ANKRD26: variants seen among roughly 807,000 people sequenced by gnomAD.
ANKRD26 encodes ankyrin repeat domain-containing protein 26.
ANKRD26 carries 141 observed loss-of-function variants against 208.7 expected under a neutral mutation model. The ratio of observed to expected loss-of-function variants is 0.68; its 90% CI spans 0.59 to 0.78. The LOEUF (loss-of-function observed/expected upper bound fraction) is 0.78, where lower values mean the gene tolerates loss of function less well. Ranked by LOEUF, ANKRD26 falls within the 30% of genes least tolerant of loss-of-function variation. ANKRD26 has a pLI of 0.00. For synonymous variants in ANKRD26, 636 were observed against 660.4 expected (o/e 0.96, Z 0.57); for missense variants, 1,889 against 1,938.7 (o/e 0.97, Z 0.48).
intron 21 of ANKRD26, among the ~76,000 whole-genome samples, chr10:27,038,476 C>T (rs2054116730): frequency 6.6e-6 from 1 of 151,868 alleles, no homozygotes; most frequent in African/African-American, 2.4e-5. Flanking sequence ...AGGGTGAAAC[C>T]ACATCTCTAC....
intron 27 of ANKRD26, among the ~76,000 whole-genome samples, chr10:27,028,070 G>A (rs2053726785): frequency 6.6e-6 from 1 of 152,184 alleles, no homozygotes; most frequent in Non-Finnish European, 1.5e-5. Context: ...TTCAGTAGGT[G>A]TATTAAATTT....
chr10:27,080,542 C>T (rs953253347), intron 6 of ANKRD26: 40 of 814,612 alleles, frequency 4.9e-5, no homozygotes, highest in Non-Finnish European at 5.8e-5. Context: ...TTTACAGGCA[C>T]TCAGATACCT....
intron 32 of ANKRD26, among the ~76,000 whole-genome samples, chr10:27,010,774 T>G (rs1476092839): frequency 3.3e-5 from 5 of 152,122 alleles, no homozygotes; most frequent in African/African-American, 1.2e-4. Context: ...TCCCAAAGTG[T>G]TGGGATTATA....
intron 11 of ANKRD26, 58 bp from the exon 12 acceptor site, chr10:27,064,139 A>C: frequency 2.5e-6 from 3 of 1,198,898 alleles, no homozygotes; most frequent in Non-Finnish European, 2.4e-6. Context: ...GAATTGCTAA[A>C]GATTTTCTAA....
intron 27 of ANKRD26, among the ~76,000 whole-genome samples, chr10:27,025,596 G>T (rs1389655940): frequency 6.6e-6 from 1 of 151,870 alleles, no homozygotes; most frequent in Non-Finnish European, 1.5e-5. Flanking sequence ...AGTCATCAAG[G>T]CCCTATTTTT....
chr10:27,006,100 T>C (rs1470719160), intron 33 of ANKRD26, among the ~76,000 whole-genome samples: 1 of 152,154 alleles, frequency 6.6e-6, no homozygotes, highest in Non-Finnish European at 1.5e-5. Context: ...ATGACAGGTA[T>C]AAGACAGGGC....
chr10:26,966,849 G>A, the ANKRD26 span, among the ~76,000 whole-genome samples: 2 of 151,966 alleles, frequency 1.3e-5, no homozygotes, highest in Non-Finnish European at 2.9e-5. Context: ...GGAGTTCTAC[G>A]GGACATAAAT....
chr10:27,085,691 C>CA (rs1374574800), intron 5 of ANKRD26, among the ~76,000 whole-genome samples: 1 of 152,004 alleles, frequency 6.6e-6, no homozygotes, highest in Non-Finnish European at 1.5e-5. Flanking sequence ...TTTAGTGACC[C>CA]AAATCACTAT....
exon 5 of ANKRD26, among the ~76,000 whole-genome samples, chr10:26,980,745 A>C (rs549300559): frequency 1.1e-4 from 17 of 152,182 alleles, no homozygotes; most frequent in Non-Finnish European, 1.9e-4. Context: ...TGAGTAGCAG[A>C]CAAGGAGAGG....
In ANKRD26 at chr10:27,037,310, C is replaced by T. The variant is rs999645398; in HGVS notation, c.2573G>A (p.Arg858Gln). 1.9e-5 allele frequency: 31 copies of T among 1,613,662 alleles called. No individual in the cohort carries two copies. The highest frequency in any genetic ancestry group is 5.3e-5 in the African/African-American group (4 of 74,882). ...KSNLNQVVQE[R>Q]NDAQRQLSRE... ...AGAAAGTTGCCTCTGAGCGTCATTT[C>T]GCTCTTGAACGACCTAGAGATACAT... is the stretch of plus-strand genomic sequence containing the variant. The change falls in exon 23 of 34, where the codon CGA becomes CAA. Residue 858 changes from arginine to glutamine, a missense_variant. This residue lies in a region of ANKRD26 where 1,272 missense variants were observed against 1,273.8 expected (regional missense o/e 1.00). Coordinates refer to ENST00000376087, the MANE Select transcript of ANKRD26 (RefSeq NM_014915.3).
At chr10:27,082,719 G>C in intron 6 of ANKRD26, 84 bp downstream of exon 6, 1 of 1,490,856 alleles carries the variant, frequency 6.7e-7, no homozygotes, top group Non-Finnish European at 9.0e-7. Flanking sequence ...CACATAATAT[G>C]GTGTCTACCC....
rs1185636141 is a variant in ANKRD26 at position 27,067,505 on chromosome 10, G to A, written c.1078-219C>T. On this transcript the variant is annotated intron_variant, in intron 9 of 33. Coordinates refer to ENST00000376087, the MANE Select transcript of ANKRD26 (RefSeq NM_014915.3). ...GGCTCATGGTTTTGCAGGCTGTATAGGAGGCATAGCAGCTTCTGCTTCTGG... is the reference window on the plus strand; with the variant it reads ...GGCTCATGGTTTTGCAGGCTGTATAAGAGGCATAGCAGCTTCTGCTTCTGG... 8.5e-5 allele frequency among the ~76,000 whole-genome samples: 13 copies of A among 152,172 alleles called. No homozygotes were observed. In the South Asian group the frequency reaches 1.0e-3, roughly 12 times the overall value.
the ANKRD26 span, among the ~76,000 whole-genome samples, chr10:26,950,226 T>A: frequency 6.6e-6 from 1 of 152,132 alleles, no homozygotes; most frequent in Non-Finnish European, 1.5e-5. Flanking sequence ...TCTCATGACA[T>A]ATGGTAGTTT....
the ANKRD26 span, among the ~76,000 whole-genome samples, chr10:26,951,019 C>CTTTTTTTTTTTTTTTTTTTTTTTTTT: frequency 2.3e-4 from 11 of 48,598 alleles, no homozygotes; most frequent in Middle Eastern, 0.012. Flanking sequence ...TTTTCTTTTT[C>CTTTTTTTTTTTTTTTTTTTTTTTTTT]TTTTTTTTTT....
chr10:26,987,593 C>T (rs2052412285), downstream of ANKRD26, among the ~76,000 whole-genome samples: 1 of 152,118 alleles, frequency 6.6e-6, no homozygotes, highest in South Asian at 2.1e-4. Context: ...CTCCTGTAGG[C>T]CTGTCCTGGG....
At chr10:26,971,467 G>A (rs1323047416), downstream of ANKRD26, among the ~76,000 whole-genome samples, 1 of 152,062 alleles carries the variant, frequency 6.6e-6, no homozygotes, top group Admixed American at 6.5e-5. Flanking sequence ...CTGAGGTCAG[G>A]AGTTCGAGAC....
At chr10:27,061,559 A>ATTTTTT (rs11399797) in intron 12 of ANKRD26, among the ~76,000 whole-genome samples, 1 of 134,232 alleles carries the variant, frequency 7.4e-6, no homozygotes, top group African/African-American at 2.8e-5. Flanking sequence ...TGCAACATCT[A>ATTTTTT]TTTTTTTTTT....
intron 30 of ANKRD26, among the ~76,000 whole-genome samples, chr10:27,015,237 T>C (rs1392316615): frequency 2.0e-5 from 3 of 152,254 alleles, no homozygotes; most frequent in Admixed American, 1.3e-4. Context: ...CATCTGTATG[T>C]AAGATACAGG....
chr10:27,051,135 C>A (rs1364180921), intron 16 of ANKRD26: 7 of 1,290,174 alleles, frequency 5.4e-6, no homozygotes, highest in Non-Finnish European at 7.1e-6. Context: ...ATTTTTAAAC[C>A]TTTGCATATC....
Sources: gnomAD v4.1 joint callset for allele counts (sites outside exome capture counted in the v4.1 genomes callset) on GRCh38, gnomAD v4.1.1 for gene constraint, gnomAD v4.1.1 regional missense constraint, MANE v1.5 for transcripts, NCBI Gene and HGNC (gene_info 2026-07-23, HGNC 2026-07-21) for gene names.